ZNF521: variants seen among roughly 807,000 people sequenced by gnomAD.
ZNF521 encodes LYST-interacting protein 3.
A neutral mutation model predicts 105.5 loss-of-function variants in ZNF521; 14 were observed. That is an observed-to-expected ratio of 0.13 (90% CI 0.09 to 0.21). The LOEUF is 0.21. ZNF521 is among the 10% of genes least tolerant of loss of function. The probability of loss-of-function intolerance (pLI) is 1.00; values close to 1 mark genes in which losing one functional copy is unlikely to be tolerated. For synonymous variants in ZNF521, 635 were observed against 606.0 expected (o/e 1.05, Z -0.70); for missense variants, 1,233 against 1,629.7 (o/e 0.76, Z 4.19).
At position 25,227,206 on chromosome 18, in the gene ZNF521, C is replaced by G; in HGVS notation, c.712G>C (p.Glu238Gln). 2 of 1,614,182 alleles carry G rather than the reference C, an allele frequency of 1.2e-6. No individual in the cohort carries two copies. Among genetic ancestry groups the G allele is most frequent in the Non-Finnish European group, 1.7e-6 (2 of 1,180,020 alleles). The change falls in exon 4 of 8, where the codon GAG (glutamate) becomes CAG (glutamine). Residue 238 changes from glutamate to glutamine, a missense_variant. This residue lies in a region of ZNF521 where 380 missense variants were observed against 478.0 expected (regional missense o/e 0.80). Transcript: ENST00000361524. The surrounding 1 kb of genome is among the most constrained non-coding windows in gnomAD (Gnocchi z 5.7). ...TGAGTGTCCTTCATCTTCCAGTCCT[C>G]CATCCTGGAACCGGACTGAGAGCCG... Reference protein sequence around the residue: ...KDGSQSGSRMEDWKMKDTQKC... With the variant: ...KDGSQSGSRMQDWKMKDTQKC...
intron 3 of ZNF521, among the ~76,000 whole-genome samples, chr18:25,284,035 T>C (rs1254623750): frequency 1.3e-5 from 2 of 151,536 alleles, no homozygotes; most frequent in Admixed American, 1.3e-4. Flanking sequence ...TGAAAGAAGC[T>C]GGACTCAAAG....
At chr18:25,138,767 G>A (rs2144424990) in intron 5 of ZNF521, among the ~76,000 whole-genome samples, 1 of 152,258 alleles carries the variant, frequency 6.6e-6, no homozygotes, top group Middle Eastern at 3.4e-3. Flanking sequence ...GAGGAACTGA[G>A]GTTGAGAGAA....
rs1348681059 is a variant in ZNF521 at position 25,125,763 on chromosome 18, T to C, written c.3659-33682A>G. On this transcript the variant is annotated intron_variant, in intron 5 of 7. Coordinates refer to ENST00000361524, the MANE Select transcript of ZNF521 (RefSeq NM_015461.3). ...AAATACTATAAGCAGAAAGGTATGA[T>C]TTGGTTGTGGTTTTGCTATTATTTC... Among the ~76,000 whole-genome samples the C allele has an allele frequency of 3.9e-5, 6 of 151,914 alleles. No homozygotes were observed. The East Asian group carries it at 1.2e-3, about 29-fold the overall frequency.
chr18:25,252,219 G>C (rs77128333), intron 3 of ZNF521, among the ~76,000 whole-genome samples: 2,248 of 152,026 alleles, frequency 0.015, 49 homozygotes, highest in East Asian at 0.077. Flanking sequence ...TAGAAAACTA[G>C]GAAAATATGA....
chr18:25,188,432 A>G (rs772244699), intron 5 of ZNF521, among the ~76,000 whole-genome samples: 2 of 152,140 alleles, frequency 1.3e-5, no homozygotes, highest in Non-Finnish European at 2.9e-5. Flanking sequence ...TTTTCCTTTG[A>G]TGTGTGTGAA....
chr18:25,169,504 A>C (rs2035409533), intron 5 of ZNF521, among the ~76,000 whole-genome samples: 1 of 152,144 alleles, frequency 6.6e-6, no homozygotes, highest in South Asian at 2.1e-4. Flanking sequence ...CAAAGCCAGC[A>C]ATTTTTGTGT....
chr18:25,283,929 C>T (rs534256161), intron 3 of ZNF521, among the ~76,000 whole-genome samples: 41 of 142,466 alleles, frequency 2.9e-4, no homozygotes, highest in African/African-American at 8.4e-4. Context: ...CTTTCCCCCC[C>T]CCCCAAAAAA....
intron 5 of ZNF521, among the ~76,000 whole-genome samples, chr18:25,115,976 A>G (rs907496789): frequency 6.6e-6 from 1 of 152,226 alleles, no homozygotes; most frequent in Non-Finnish European, 1.5e-5. Flanking sequence ...GTATATTAAT[A>G]GAGATAAGCA....
At chr18:25,125,525 A>ATGTGTGTGTGTATGT (rs2034522277) in intron 5 of ZNF521, among the ~76,000 whole-genome samples, 3 of 151,758 alleles carry the variant, frequency 2.0e-5, no homozygotes, top group African/African-American at 7.2e-5. Context: ...GTATGTGTAT[A>ATGTGTGTGTGTATGT]TGTGTGTGTG....
chr18:25,318,942 A>G (rs1213867276), intron 3 of ZNF521, among the ~76,000 whole-genome samples: 1 of 137,868 alleles, frequency 7.3e-6, no homozygotes, highest in Admixed American at 7.1e-5. Flanking sequence ...AAGAACCAGG[A>G]GAAAAAAAAG....
chr18:25,278,503 C>T (rs1910176462), intron 3 of ZNF521, among the ~76,000 whole-genome samples: 1 of 152,150 alleles, frequency 6.6e-6, no homozygotes, highest in South Asian at 2.1e-4. Flanking sequence ...CTCGAACAGC[C>T]GCCACTCTTG....
intron 5 of ZNF521, among the ~76,000 whole-genome samples, chr18:25,145,963 G>C (rs980626698): frequency 6.6e-6 from 1 of 152,218 alleles, no homozygotes; most frequent in African/African-American, 2.4e-5. Flanking sequence ...TTTAGAAAGA[G>C]AGATGATGAC....
In ZNF521 at chr18:25,225,130, A is replaced by G; in HGVS notation, c.2788T>C (p.Tyr930His). 4 of 1,614,088 alleles carry G rather than the reference A, an allele frequency of 2.5e-6. No individual in the cohort carries two copies. Among genetic ancestry groups the G allele is most frequent in the Non-Finnish European group, 3.4e-6 (4 of 1,180,012 alleles). Residue 930 changes from tyrosine (Y) to histidine (H), a missense_variant, in exon 4 of 8, where the codon TAC becomes CAC. Around this residue, in one of 6 missense-constraint regions of ZNF521, gnomAD observed 614 missense variants for 751.5 expected, o/e 0.82. Coordinates refer to ENST00000361524, the MANE Select transcript of ZNF521 (RefSeq NM_015461.3). This position sits in a 1 kb window ranked among gnomAD's most constrained non-coding sequence, Gnocchi z 5.6. ...GTTCGAGAGCACACGTTGCACTTGT[A>G]ATTCCCTTTAATGAGCTCAGCTTTC... ...KKKAELIKGN[Y>H]KCNVCSRTFF...
chr18:25,235,557 C>A (rs1278739862), intron 3 of ZNF521, among the ~76,000 whole-genome samples: 6 of 152,212 alleles, frequency 3.9e-5, no homozygotes, highest in Non-Finnish European at 8.8e-5. Context: ...AGCATCTGGT[C>A]TAACAGAATG....
At chr18:25,137,375 G>A (rs939130953) in intron 5 of ZNF521, among the ~76,000 whole-genome samples, 1 of 152,142 alleles carries the variant, frequency 6.6e-6, no homozygotes, top group Admixed American at 6.5e-5. Flanking sequence ...TTAGAACTGG[G>A]ATATTTGGAA....
intron 2 of ZNF521, among the ~76,000 whole-genome samples, chr18:25,336,165 C>G (rs1481317658): frequency 6.6e-6 from 1 of 152,140 alleles, no homozygotes; most frequent in Non-Finnish European, 1.5e-5. Context: ...CCTGTATTCT[C>G]CTTCCACATT....
At chr18:25,252,900 G>C (rs1038037179) in intron 3 of ZNF521, among the ~76,000 whole-genome samples, 4 of 152,034 alleles carry the variant, frequency 2.6e-5, no homozygotes, top group Non-Finnish European at 5.9e-5. Context: ...ATATGTTGCA[G>C]GGATAAACAA....
chr18:25,118,224 A>G (rs1302296033), intron 5 of ZNF521, among the ~76,000 whole-genome samples: 1 of 152,072 alleles, frequency 6.6e-6, no homozygotes, highest in Non-Finnish European at 1.5e-5. Flanking sequence ...AGGTGAAATT[A>G]AAATATTTCC....
At chr18:25,253,506 T>TCCC (rs1908256983) in intron 3 of ZNF521, among the ~76,000 whole-genome samples, 1 of 152,174 alleles carries the variant, frequency 6.6e-6, no homozygotes, top group Non-Finnish European at 1.5e-5. Context: ...TTGAATATAT[T>TCCC]TATTCTATTT....
Sources: allele counts gnomAD v4.1 joint callset (sites outside exome capture counted in the v4.1 genomes callset), GRCh38; gene constraint gnomAD v4.1.1; regional missense constraint gnomAD v4.1.1; non-coding constraint Gnocchi (gnomAD v3.1); transcripts MANE v1.5; gene names NCBI Gene and HGNC (gene_info 2026-07-23, HGNC 2026-07-21).